Variants in AK5 observed in about 807,000 individuals in gnomAD.
The protein encoded by AK5 is adenylate kinase isoenzyme 5.
A neutral mutation model predicts 69.5 loss-of-function variants in AK5; 27 were observed. That is an observed-to-expected ratio of 0.39 (90% CI 0.29 to 0.54). The LOEUF (loss-of-function observed/expected upper bound fraction) is 0.54. Ranked by LOEUF, AK5 falls within the 20% of genes least tolerant of loss-of-function variation. The pLI is 0.71. For synonymous variants in AK5, 260 were observed against 244.4 expected (o/e 1.06, Z -0.60); for missense variants, 531 against 700.4 (o/e 0.76, Z 2.73).
intron 13 of AK5, among the ~76,000 whole-genome samples, chr1:77,556,447 C>T (rs1359008502): frequency 1.8e-4 from 27 of 152,102 alleles, no homozygotes; most frequent in Admixed American, 1.8e-3. Context: ...TGAAATTAAT[C>T]CATGTTGTTG....
intron 6 of AK5, among the ~76,000 whole-genome samples, chr1:77,407,556 T>C (rs570223734): frequency 6.6e-6 from 1 of 152,284 alleles, no homozygotes; most frequent in East Asian, 1.9e-4. Flanking sequence ...ATGGGTATGT[T>C]AACTATTTTT....
intron 13 of AK5, among the ~76,000 whole-genome samples, chr1:77,539,093 T>C (rs149648844): frequency 2.0e-5 from 3 of 152,370 alleles, no homozygotes; most frequent in East Asian, 3.9e-4. Flanking sequence ...GCTGGCTACC[T>C]ACTATTGACT....
chr1:77,374,417 G>A (rs1380731021), intron 6 of AK5, among the ~76,000 whole-genome samples: 1 of 98,168 alleles, frequency 1.0e-5, no homozygotes, highest in Non-Finnish European at 2.1e-5. Context: ...TTGAGGTAAT[G>A]CTTTTTTTTT....
chr1:77,310,019 A>G (rs2602953), intron 5 of AK5, among the ~76,000 whole-genome samples: 134,526 of 152,118 alleles, frequency 0.88, 59,911 homozygotes, highest in Middle Eastern at 0.97. Flanking sequence ...GTTCCCCATA[A>G]TCTCATAAAA....
At chr1:77,423,393 A>G (rs1650985165) in intron 8 of AK5, among the ~76,000 whole-genome samples, 1 of 152,022 alleles carries the variant, frequency 6.6e-6, no homozygotes, top group Admixed American at 6.5e-5. Context: ...CTCTTCTTCA[A>G]CTAAGTGAAT....
chr1:77,391,282 A>G (rs1000362868), intron 6 of AK5, among the ~76,000 whole-genome samples: 1 of 151,784 alleles, frequency 6.6e-6, no homozygotes, highest in Non-Finnish European at 1.5e-5. Context: ...AAGGGTGCAG[A>G]AGTGAGCTCT....
At chr1:77,441,665 T>G (rs1274585749) in intron 8 of AK5, among the ~76,000 whole-genome samples, 1 of 152,224 alleles carries the variant, frequency 6.6e-6, no homozygotes, top group Non-Finnish European at 1.5e-5. Flanking sequence ...TGGCAAGGGC[T>G]TCCGGGGTCT....
intron 13 of AK5, among the ~76,000 whole-genome samples, chr1:77,549,889 A>G (rs963261591): frequency 1.3e-5 from 2 of 151,852 alleles, no homozygotes; most frequent in African/African-American, 4.8e-5. Context: ...TAGTGGCACA[A>G]TCATGGCTCA....
chr1:77,475,521 A>G (rs1654883192), intron 8 of AK5, among the ~76,000 whole-genome samples: 1 of 98,408 alleles, frequency 1.0e-5, no homozygotes, highest in Admixed American at 1.4e-4. Context: ...ATATGTATAT[A>G]TATTATATAT....
chr1:77,489,119 A>G (rs9324162), intron 10 of AK5, among the ~76,000 whole-genome samples: 20,935 of 152,228 alleles, frequency 0.14, 1,939 homozygotes, highest in Non-Finnish European at 0.18. Flanking sequence ...CTCTCTAGGC[A>G]TAACTAAAGA....
intron 5 of AK5, among the ~76,000 whole-genome samples, chr1:77,304,146 C>G (rs1422451342): frequency 6.6e-6 from 1 of 152,098 alleles, no homozygotes; most frequent in Non-Finnish European, 1.5e-5. Flanking sequence ...GCCTCCACCC[C>G]CCGACACATC....
intron 8 of AK5, among the ~76,000 whole-genome samples, chr1:77,462,322 TGGA>T (rs1280260773): frequency 6.6e-6 from 1 of 151,954 alleles, no homozygotes; most frequent in East Asian, 1.9e-4. Context: ...GATGGATGGA[TGGA>T]TGGATGGATG....
At chr1:77,343,572 C>T (rs1661766786) in intron 6 of AK5, among the ~76,000 whole-genome samples, 1 of 152,072 alleles carries the variant, frequency 6.6e-6, no homozygotes, top group African/African-American at 2.4e-5. Context: ...GCCGCTTTGC[C>T]TGATTCAGAT....
chr1:77,451,182 A>C (rs1055668361), intron 8 of AK5, among the ~76,000 whole-genome samples: 1 of 152,190 alleles, frequency 6.6e-6, no homozygotes, highest in Non-Finnish European at 1.5e-5. Context: ...TCGAAAAAAA[A>C]ATAAATACAT....
intron 1 of AK5, chr1:77,282,898 C>T: frequency 1.0e-6 from 1 of 986,162 alleles, no homozygotes. Flanking sequence ...CAAAACCCAA[C>T]CTATCAAGTG....
chr1:77,454,028 C>T (rs1469452662), intron 8 of AK5, among the ~76,000 whole-genome samples: 2 of 152,106 alleles, frequency 1.3e-5, no homozygotes, highest in African/African-American at 2.4e-5. Flanking sequence ...GAGGAAGAAG[C>T]TTCTAGTCTT....
intron 6 of AK5, among the ~76,000 whole-genome samples, chr1:77,343,590 G>A (rs1661767846): frequency 6.6e-6 from 1 of 152,114 alleles, no homozygotes; most frequent in Non-Finnish European, 1.5e-5. Context: ...GATTCCAGCT[G>A]CACCACCTAC....
At chr1:77,455,621 A>C (rs1367360137) in intron 8 of AK5, among the ~76,000 whole-genome samples, 1 of 152,170 alleles carries the variant, frequency 6.6e-6, no homozygotes, top group Non-Finnish European at 1.5e-5. Context: ...GGTGAGCTAT[A>C]AATTTCCATT....
intron 8 of AK5, among the ~76,000 whole-genome samples, chr1:77,441,736 G>T (rs138259075): frequency 2.0e-5 from 3 of 152,212 alleles, no homozygotes; most frequent in East Asian, 3.8e-4. Flanking sequence ...CTTGATGTCA[G>T]GTCTGACACA....
Sources: allele counts gnomAD v4.1 joint callset (sites outside exome capture counted in the v4.1 genomes callset), GRCh38; gene constraint gnomAD v4.1.1; transcripts MANE v1.5; gene names NCBI Gene and HGNC (gene_info 2026-07-23, HGNC 2026-07-21).